The following AKAP12 variants were observed in gnomAD, a reference collection of about 807,000 sequenced individuals.
AKAP12 encodes A-kinase anchor protein 12.
A neutral mutation model predicts 79.9 loss-of-function variants in AKAP12; 32 were observed. That is an observed-to-expected ratio of 0.40 (90% CI 0.30 to 0.54). The LOEUF is 0.54. Ranked by LOEUF, AKAP12 falls within the 20% of genes least tolerant of loss-of-function variation. The probability of loss-of-function intolerance (pLI) is 0.48; values close to 1 mark genes in which losing one functional copy is unlikely to be tolerated. For missense variants in AKAP12, 2,074 were observed against 2,177.0 expected, an observed-to-expected ratio of 0.95 and a Z score of 0.94; for synonymous variants, 808 against 857.0, an observed-to-expected ratio of 0.94 and a Z score of 1.00.
chr6:151,329,170 A>G (rs1777608181), intron 3 of AKAP12, among the ~76,000 whole-genome samples: 1 of 151,938 alleles, frequency 6.6e-6, no homozygotes, highest in Non-Finnish European at 1.5e-5. Flanking sequence ...GCTGGAGTGC[A>G]GTGGCGCGAT....
chr6:151,241,862 C>T (rs1311844424), intron 2 of AKAP12, among the ~76,000 whole-genome samples: 1 of 150,042 alleles, frequency 6.7e-6, no homozygotes, highest in Non-Finnish European at 1.5e-5. Context: ...CAACCATGAC[C>T]TAATTGCCTT....
chr6:151,258,328 G>C (rs1314349564), intron 2 of AKAP12, among the ~76,000 whole-genome samples: 1 of 152,154 alleles, frequency 6.6e-6, no homozygotes, highest in Non-Finnish European at 1.5e-5. Flanking sequence ...TCATGAAGAG[G>C]GAAAAATCCC....
At chr6:151,307,773 C>T (rs1023665680) in intron 3 of AKAP12, among the ~76,000 whole-genome samples, 4 of 152,118 alleles carry the variant, frequency 2.6e-5, no homozygotes, top group African/African-American at 4.8e-5. Context: ...ACTATTCCAT[C>T]GTCTCCCTGA....
At position 151,353,076 on chromosome 6, in the gene AKAP12, T is replaced by C; in HGVS notation, c.4685T>C (p.Val1562Ala). 6.2e-7 allele frequency: 1 copy of C among 1,614,150 alleles called. No individual in the cohort carries two copies. The highest frequency in any genetic ancestry group is 8.5e-7 in the Non-Finnish European group (1 of 1,180,038). The change falls in exon 4 of 5, where the codon GTA (valine) becomes GCA (alanine). Residue 1562 changes from valine to alanine, a missense_variant. This residue lies in a region of AKAP12 where 614 missense variants were observed against 665.6 expected (regional missense o/e 0.92). Coordinates refer to ENST00000402676, the MANE Select transcript of AKAP12 (RefSeq NM_005100.4). ...ATCCAGACAGCCGTTGACCAGTTTG[T>C]ACGTACAGAAGAAACAGCCACCGAA... Reference protein sequence around the residue: ...NIIQTAVDQFVRTEETATEML... With the variant: ...NIIQTAVDQFARTEETATEML...
chr6:151,284,210 G>A (rs1173680581), intron 2 of AKAP12, among the ~76,000 whole-genome samples: 1 of 152,160 alleles, frequency 6.6e-6, no homozygotes, highest in East Asian at 1.9e-4. Flanking sequence ...ACAGATCAGT[G>A]TCACACATCG....
At position 151,329,399 on chromosome 6, in the gene AKAP12, C is replaced by T. The variant is rs114514719; in HGVS notation, c.320-19312C>T. Among the ~76,000 whole-genome samples the T allele has an allele frequency of 1.6e-3, 249 of 152,196 alleles. 1 individual carries two copies. The highest frequency in any genetic ancestry group is 5.3e-3 in the African/African-American group (220 of 41,556). ...CCAAAGTGGTGTGAGCCACCACGCC[C>T]GGCCAAAAAAATGCTTTTTGAATTA... On this transcript the variant is annotated intron_variant, in intron 3 of 4. Transcript: ENST00000402676.
chr6:151,337,524 A>AAAAAAAAAAT, intron 3 of AKAP12, among the ~76,000 whole-genome samples: 1 of 129,810 alleles, frequency 7.7e-6, no homozygotes, highest in African/African-American at 3.4e-5. Flanking sequence ...AAAAAAAAAA[A>AAAAAAAAAAT]AAAGAAAGAA....
rs1437875045 is a variant in AKAP12 at position 151,351,028 on chromosome 6, G to A, written c.2637G>A (p.Glu879=). Residue 879 remains glutamate, a synonymous_variant, in exon 4 of 5, where the codon GAG becomes GAA. Coordinates refer to ENST00000402676, the MANE Select transcript of AKAP12 (RefSeq NM_005100.4). The surrounding 1 kb of genome is among the most constrained non-coding windows in gnomAD (Gnocchi z 4.4). ...AGCCCGAGCAGAAGGCAGCCACTGAGGTGTCCAAGGAGCTCAGCGAGAGTC... is the reference window on the plus strand; with the variant it reads ...AGCCCGAGCAGAAGGCAGCCACTGAAGTGTCCAAGGAGCTCAGCGAGAGTC... ...AEQPEQKAAT[E]VSKELSESQV... is the part of the protein sequence containing the mutation. 6.2e-7 allele frequency: 1 copy of A among 1,614,124 alleles called. No individual in the cohort carries two copies.
At chr6:151,343,967 TA>T (rs745372556) in intron 3 of AKAP12, 4 of 450,682 alleles carry the variant, frequency 8.9e-6, no homozygotes, top group African/African-American at 2.1e-5. Flanking sequence ...TGTATATATC[TA>T]AAATGTAGAA....
intron 3 of AKAP12, among the ~76,000 whole-genome samples, chr6:151,342,854 C>T (rs559148195): frequency 6.6e-6 from 1 of 151,030 alleles, no homozygotes; most frequent in East Asian, 2.0e-4. Flanking sequence ...CCTCCACCTC[C>T]CGGGTTCAAG....
At chr6:151,312,062 G>A (rs975743132) in intron 3 of AKAP12, among the ~76,000 whole-genome samples, 1 of 152,082 alleles carries the variant, frequency 6.6e-6, no homozygotes, top group Non-Finnish European at 1.5e-5. Context: ...TTGGTATCTT[G>A]TTAGAAGTGC....
At chr6:151,320,000 A>C in intron 3 of AKAP12, 1 of 152,236 alleles carries the variant, frequency 6.6e-6, no homozygotes, top group East Asian at 1.9e-4. Flanking sequence ...CAGGTTAAAG[A>C]GAAAATGAGA....
chr6:151,264,293 C>T (rs961643160), intron 2 of AKAP12, among the ~76,000 whole-genome samples: 1 of 144,034 alleles, frequency 6.9e-6, no homozygotes, highest in Non-Finnish European at 1.5e-5. Flanking sequence ...ATGTTTAAAG[C>T]AAATTATTAG....
chr6:151,259,453 T>C lies in AKAP12; in HGVS notation c.162+18729T>C, dbSNP rs186908983. 4.4e-3 allele frequency among the ~76,000 whole-genome samples: 644 copies of C among 146,236 alleles called. 3 individuals are homozygous for C. The highest frequency in any genetic ancestry group is 0.014 in the African/African-American group (544 of 39,428). The stretch of plus-strand genomic sequence containing the variant: ...GTGTGTGTATATATGTGTATATATA[T>C]ACACACATATATACATGTATATATA... On this transcript the variant is annotated intron_variant, in intron 2 of 4. Transcript: ENST00000402676.
chr6:151,339,982 A>G (rs2128947), intron 3 of AKAP12, among the ~76,000 whole-genome samples: 16,098 of 151,182 alleles, frequency 0.11, 1,370 homozygotes, highest in African/African-American at 0.23. Flanking sequence ...GCTGGAGTGC[A>G]GTGGCGCGAT....
rs558495476 is a variant in AKAP12 at position 151,289,537 on chromosome 6, C to T, written c.163-16210C>T. On this transcript the variant is annotated intron_variant, in intron 2 of 4. Coordinates refer to ENST00000402676, the MANE Select transcript of AKAP12 (RefSeq NM_005100.4). ...GTGGTTTCCATAGGGCTTTGCCTCTCGTACATAGTCACTTCTTAAGAAACA... is the reference window on the plus strand; with the variant it reads ...GTGGTTTCCATAGGGCTTTGCCTCTTGTACATAGTCACTTCTTAAGAAACA... 2.2e-4 allele frequency among the ~76,000 whole-genome samples: 33 copies of T among 152,312 alleles called. No individual in the cohort carries two copies. In the South Asian group the frequency reaches 6.4e-3, roughly 30 times the overall value.
At chr6:151,255,102 C>G (rs1030844622) in intron 2 of AKAP12, among the ~76,000 whole-genome samples, 1 of 151,906 alleles carries the variant, frequency 6.6e-6, no homozygotes, top group African/African-American at 2.4e-5. Flanking sequence ...GCACCCTTGT[C>G]AACAAAAATG....
chr6:151,351,869 CCT>C lies in AKAP12; in HGVS notation c.3479_3480del (p.Pro1160ArgfsTer10). On this transcript the variant is annotated frameshift_variant, in exon 4 of 5. Transcript: ENST00000402676. LOFTEE classifies it low-confidence loss of function (END_TRUNC). This position sits in a 1 kb window ranked among gnomAD's most constrained non-coding sequence, Gnocchi z 4.4. ...GATGGTGATGGAACAGGCTATCCCC[CCT>C]GACTCGGTGGAAACCCCTACAGACA... ...QEMVMEQAIP[P>X]DSVETPTDSE... 2 of 1,614,028 alleles carry C rather than the reference CCT, an allele frequency of 1.2e-6. No individual in the cohort carries two copies. The highest frequency in any genetic ancestry group is 8.5e-7 in the Non-Finnish European group (1 of 1,180,010).
In AKAP12 at chr6:151,253,945, G is replaced by A. The variant is rs144869527; in HGVS notation, c.162+13221G>A. 4.8e-3 allele frequency among the ~76,000 whole-genome samples: 735 copies of A among 152,212 alleles called. 7 individuals are homozygous for A. The highest frequency in any genetic ancestry group is 0.017 in the African/African-American group (694 of 41,516). ...GCTGGTCTCCAACTCCTGACCTCAG[G>A]TAATCTGCCTCCCTGGGCCTCCCAA... is the stretch of plus-strand genomic sequence containing the variant. On this transcript the variant is annotated intron_variant, in intron 2 of 4. Transcript: ENST00000402676.
Sources: allele counts gnomAD v4.1 joint callset (sites outside exome capture counted in the v4.1 genomes callset), GRCh38; gene constraint gnomAD v4.1.1; regional missense constraint gnomAD v4.1.1; non-coding constraint Gnocchi (gnomAD v3.1); transcripts MANE v1.5; gene names NCBI Gene and HGNC (gene_info 2026-07-23, HGNC 2026-07-21).